Variants in RAB38 observed in about 807,000 individuals in gnomAD.
RAB38 encodes RAB38, member RAS oncogene family.
A neutral mutation model predicts 18.4 loss-of-function variants in RAB38; 15 were observed. The ratio of observed to expected loss-of-function variants is 0.82; its 90% CI spans 0.55 to 1.26. The LOEUF (loss-of-function observed/expected upper bound fraction) is 1.26, where lower values mean the gene tolerates loss of function less well. Ranked by LOEUF, RAB38 falls within the 50% of genes most tolerant of loss-of-function variation. RAB38 has a pLI of 0.00. For missense variants in RAB38, 294 were observed against 267.4 expected (o/e 1.10, Z -0.69); for synonymous variants, 101 against 104.4 (o/e 0.97, Z 0.20).
At chr11:88,031,693 AG>A in the RAB38 span, among the ~76,000 whole-genome samples, 1 of 151,334 alleles carries the variant, frequency 6.6e-6, no homozygotes, top group African/African-American at 2.4e-5. Flanking sequence ...GACCTCTTCA[AG>A]GAGAACTACA....
chr11:88,116,296 T>G (rs145031230), intron 2 of RAB38, among the ~76,000 whole-genome samples: 2 of 152,270 alleles, frequency 1.3e-5, no homozygotes, highest in Admixed American at 1.3e-4. Flanking sequence ...CGCCCAGACT[T>G]CCACTTAAGA....
At chr11:88,046,833 C>G in the RAB38 span, among the ~76,000 whole-genome samples, 1 of 152,094 alleles carries the variant, frequency 6.6e-6, no homozygotes, top group Non-Finnish European at 1.5e-5. Context: ...AATCCTTTCC[C>G]CACTCCTCTT....
At chr11:87,957,232 T>C in the RAB38 span, among the ~76,000 whole-genome samples, 1 of 152,150 alleles carries the variant, frequency 6.6e-6, no homozygotes, top group African/African-American at 2.4e-5. Context: ...GAATCAAGCT[T>C]CTTTGCCTGT....
chr11:88,035,583 G>T, the RAB38 span, among the ~76,000 whole-genome samples: 3 of 152,170 alleles, frequency 2.0e-5, no homozygotes, highest in Non-Finnish European at 1.5e-5. Context: ...ATATTCAAGG[G>T]CAAGAAGAGT....
At chr11:87,857,199 T>A in the RAB38 span, among the ~76,000 whole-genome samples, 1 of 152,308 alleles carries the variant, frequency 6.6e-6, no homozygotes, top group East Asian at 1.9e-4. Context: ...GAACTCATCA[T>A]TTTTTATGGC....
At chr11:87,827,137 T>C in the RAB38 span, among the ~76,000 whole-genome samples, 17 of 152,142 alleles carry the variant, frequency 1.1e-4, no homozygotes, top group Non-Finnish European at 1.9e-4. Context: ...TGAACATCAA[T>C]GTGAAAGGAG....
At chr11:87,962,364 C>T in the RAB38 span, among the ~76,000 whole-genome samples, 151,431 of 152,266 alleles carry the variant, frequency 0.99, 75,308 homozygotes, top group Middle Eastern at 1. Flanking sequence ...CAGGACATTA[C>T]GCTAAGTAAA....
the RAB38 span, among the ~76,000 whole-genome samples, chr11:87,923,549 G>A: frequency 1.7e-5 from 1 of 58,588 alleles, no homozygotes; most frequent in Admixed American, 2.0e-4. Flanking sequence ...AATTAATTCT[G>A]TGTGTGTGTG....
the RAB38 span, among the ~76,000 whole-genome samples, chr11:88,040,278 G>T: frequency 2.0e-4 from 30 of 152,314 alleles, no homozygotes; most frequent in South Asian, 5.0e-3. Flanking sequence ...TCCTTCACTT[G>T]TAGATGGCCG....
the RAB38 span, among the ~76,000 whole-genome samples, chr11:88,099,188 A>G: frequency 6.6e-6 from 1 of 151,922 alleles, no homozygotes; most frequent in Non-Finnish European, 1.5e-5. Flanking sequence ...AGAATGAGGA[A>G]TTTATTTATG....
the RAB38 span, among the ~76,000 whole-genome samples, chr11:87,953,230 A>ACATTCTCTGGGAAGAACAATAG: frequency 1.3e-5 from 2 of 151,976 alleles, no homozygotes; most frequent in African/African-American, 4.8e-5. Flanking sequence ...AAGAACAATA[A>ACATTCTCTGGGAAGAACAATAG]CAAGCAAAGA....
intron 2 of RAB38, among the ~76,000 whole-genome samples, chr11:88,143,168 ACT>A: frequency 6.6e-6 from 1 of 152,344 alleles, no homozygotes; most frequent in East Asian, 1.9e-4. Flanking sequence ...TTAGCTAGTC[ACT>A]CTCTAATTTA....
At chr11:88,089,812 C>T in the RAB38 span, among the ~76,000 whole-genome samples, 4 of 151,916 alleles carry the variant, frequency 2.6e-5, no homozygotes, top group East Asian at 1.9e-4. Flanking sequence ...AGCTACCGCC[C>T]GCAATGGACA....
the RAB38 span, among the ~76,000 whole-genome samples, chr11:87,956,723 T>C: frequency 6.6e-6 from 1 of 152,038 alleles, no homozygotes; most frequent in Non-Finnish European, 1.5e-5. Flanking sequence ...TAAAGCATAG[T>C]TATAAAACAT....
At chr11:87,843,750 T>G in the RAB38 span, among the ~76,000 whole-genome samples, 13 of 152,212 alleles carry the variant, frequency 8.5e-5, no homozygotes, top group Non-Finnish European at 1.6e-4. Context: ...TTTTAGTAAC[T>G]GCAAAACATG....
intron 2 of RAB38, among the ~76,000 whole-genome samples, chr11:88,127,440 G>C (rs1330502974): frequency 6.6e-6 from 1 of 152,172 alleles, no homozygotes; most frequent in African/African-American, 2.4e-5. Context: ...ATCTCAGAGA[G>C]CTAATGTTCC....
chr11:87,809,621 CA>C, the RAB38 span, among the ~76,000 whole-genome samples: 1 of 151,812 alleles, frequency 6.6e-6, no homozygotes, highest in Non-Finnish European at 1.5e-5. Context: ...TCCTGAATCT[CA>C]AAGACAGTAG....
At chr11:88,029,239 T>C in the RAB38 span, among the ~76,000 whole-genome samples, 2 of 152,072 alleles carry the variant, frequency 1.3e-5, no homozygotes, top group South Asian at 2.1e-4. Context: ...GTGCTAAACA[T>C]TGAAAGGAAC....
the RAB38 span, among the ~76,000 whole-genome samples, chr11:87,916,025 C>T: frequency 6.6e-6 from 1 of 152,080 alleles, no homozygotes; most frequent in Non-Finnish European, 1.5e-5. Flanking sequence ...GGAATATTTA[C>T]CAAATGTCTG....
Sources: gnomAD v4.1 joint callset for allele counts (sites outside exome capture counted in the v4.1 genomes callset) on GRCh38, gnomAD v4.1.1 for gene constraint, MANE v1.5 for transcripts, NCBI Gene and HGNC (gene_info 2026-07-23, HGNC 2026-07-21) for gene names.